The following RBM19 variants were observed in gnomAD, a reference collection of about 807,000 sequenced individuals.
The protein encoded by RBM19 is probable RNA-binding protein 19.
In RBM19, 94 loss-of-function variants were observed where a neutral mutation model predicts 116.8. That is an observed-to-expected ratio of 0.80 (90% CI 0.68 to 0.95). RBM19 has a LOEUF of 0.95. Ranked by LOEUF, RBM19 falls within the 40% of genes least tolerant of loss-of-function variation. RBM19 has a pLI of 0.00. For missense variants in RBM19, 1,161 were observed against 1,220.7 expected (o/e 0.95, Z 0.73); for synonymous variants, 475 against 494.1 (o/e 0.96, Z 0.51).
chr12:113,957,825 C>A lies in RBM19; in HGVS notation c.797G>T (p.Gly266Val), dbSNP rs1310627358. Residue 266 changes from glycine (G) to valine (V), a missense_variant, in exon 6 of 24, where the codon GGG becomes GTG. Transcript: ENST00000261741. The part of the protein sequence containing the change: ...RDSKGAGQEQ[G>V]MPAGKKRPPE... ...TGGTCTCTTTTTCCCAGCTGGCATC[C>A]CTTGCTCTTGGCCTGCACCCTTGCT... is the stretch of plus-strand genomic sequence containing the variant. 6.2e-7 allele frequency: 1 copy of A among 1,610,686 alleles called. No homozygotes were observed. The highest frequency in any genetic ancestry group is 8.5e-7 in the Non-Finnish European group (1 of 1,178,134).
At chr12:113,844,914 G>T in intron 22 of RBM19, 126 bp from the exon 23 acceptor site, 2 of 1,323,228 alleles carry the variant, frequency 1.5e-6, no homozygotes, top group South Asian at 1.6e-5. Context: ...CGTGACATCT[G>T]ATCTCCAGCG....
chr12:113,947,536 C>T (rs1342332298), intron 10 of RBM19, 72 bp from the exon 11 acceptor site: 2 of 1,504,390 alleles, frequency 1.3e-6, no homozygotes, highest in Non-Finnish European at 1.8e-6. Flanking sequence ...GTGGTGAGCA[C>T]CAGCTGTGAG....
chr12:113,878,016 T>C (rs1219456711), intron 21 of RBM19, among the ~76,000 whole-genome samples: 2 of 152,234 alleles, frequency 1.3e-5, no homozygotes, highest in African/African-American at 4.8e-5. Flanking sequence ...AGAACACGGC[T>C]ACTCTTATTC....
At chr12:113,911,422 C>T (rs1045422154) in intron 21 of RBM19, among the ~76,000 whole-genome samples, 2 of 152,140 alleles carry the variant, frequency 1.3e-5, no homozygotes, top group African/African-American at 2.4e-5. Flanking sequence ...ACCAGGAAAA[C>T]GCTGCCCAGG....
chr12:113,880,283 C>T (rs138194831), intron 21 of RBM19, among the ~76,000 whole-genome samples: 114 of 152,070 alleles, frequency 7.5e-4, no homozygotes, highest in Middle Eastern at 3.4e-3. Context: ...TCTGATACCC[C>T]CTGAAGTGAC....
chr12:113,956,783 G>A (rs1173245430), intron 6 of RBM19, among the ~76,000 whole-genome samples: 1 of 152,046 alleles, frequency 6.6e-6, no homozygotes, highest in Admixed American at 6.6e-5. Flanking sequence ...CAGACCTGGG[G>A]CTAAGTCCTG....
chr12:113,848,253 G>T (rs1877152693), intron 22 of RBM19, among the ~76,000 whole-genome samples: 1 of 152,218 alleles, frequency 6.6e-6, no homozygotes, highest in Non-Finnish European at 1.5e-5. Flanking sequence ...GGGGAGAAGG[G>T]AAGGTAAGAC....
At chr12:113,839,124 C>G (rs977688530) in intron 23 of RBM19, among the ~76,000 whole-genome samples, 21 of 152,236 alleles carry the variant, frequency 1.4e-4, no homozygotes, top group African/African-American at 5.1e-4. Context: ...GGGCCGAGGC[C>G]AGAGCCAGGG....
At chr12:113,918,566 G>C (rs954878636) in intron 19 of RBM19, 119 bp from the exon 20 acceptor site, 18 of 1,027,712 alleles carry the variant, frequency 1.8e-5, no homozygotes, top group Non-Finnish European at 2.5e-5. Flanking sequence ...TCCCCGGGGA[G>C]TGGGGCTAGC....
intron 9 of RBM19, 98 bp from the exon 10 acceptor site, chr12:113,949,134 A>T: frequency 8.7e-7 from 1 of 1,152,948 alleles, no homozygotes; most frequent in Non-Finnish European, 1.3e-6. Context: ...CCTTCCAAAA[A>T]ACACAATCAA....
intron 16 of RBM19, among the ~76,000 whole-genome samples, chr12:113,930,819 G>T (rs932768940): frequency 6.6e-6 from 1 of 152,172 alleles, no homozygotes. Flanking sequence ...GGGCATCATG[G>T]TCTTTAGAGA....
rs1449372336 is a variant in RBM19 at position 113,844,702 on chromosome 12, C to T, written c.2751G>A (p.Gln917=). 6.2e-7 allele frequency: 1 copy of T among 1,612,784 alleles called. No individual in the cohort carries two copies. The highest frequency in any genetic ancestry group is 1.3e-5 in the African/African-American group (1 of 74,934). Residue 917 remains glutamine (Q), a synonymous_variant, in exon 23 of 24, where the codon CAG becomes CAA. Coordinates refer to ENST00000261741, the MANE Select transcript of RBM19 (RefSeq NM_016196.4). ...LEWADSEVTL[Q]ALRRKTAAHF... ...GAGCGGCCGTCTTCCGCCGCAGGGCCTGCAGGGTCACCTCGGAGTCGGCCC... is the reference window on the plus strand; with the variant it reads ...GAGCGGCCGTCTTCCGCCGCAGGGCTTGCAGGGTCACCTCGGAGTCGGCCC...
At position 113,924,806 on chromosome 12, in the gene RBM19, A is replaced by C. The variant is rs1868914017; in HGVS notation, c.2245-49T>G. ...CATCAGCAGCTCTAAACCACTATGC[A>C]GGCAAGGGCACCTGTCAAACACTAT... is the stretch of plus-strand genomic sequence containing the variant. On this transcript the variant is annotated intron_variant, in intron 17 of 23. Transcript: ENST00000261741. 3 of 1,478,092 alleles carry C rather than the reference A, an allele frequency of 2.0e-6. 1 individual carries two copies. In the East Asian group the frequency reaches 6.8e-5, roughly 33 times the overall value. The allele number at this position is 1,478,092 out of a possible 1,614,324, so 91.6% of individuals were successfully genotyped here. A position where few individuals can be genotyped will look rare whatever the true frequency, so the allele number is the denominator to read the frequency against.
chr12:113,843,079 C>A (rs1043516146), intron 23 of RBM19, among the ~76,000 whole-genome samples: 1 of 152,234 alleles, frequency 6.6e-6, no homozygotes, highest in Non-Finnish European at 1.5e-5. Flanking sequence ...TGAGACGCTG[C>A]TTCTCAGAAG....
rs138359065 is a variant in RBM19, at chr12:113,906,936, C to T, written c.2558+8033G>A. 4.7e-3 allele frequency among the ~76,000 whole-genome samples: 722 copies of T among 152,112 alleles called. 4 individuals are homozygous for T. The highest frequency in any genetic ancestry group is 0.016 in the African/African-American group (673 of 41,484). On this transcript the variant is annotated intron_variant, in intron 21 of 23. Coordinates refer to ENST00000261741, the MANE Select transcript of RBM19 (RefSeq NM_016196.4). ...TCGGGAGAAGGCACAGAAGGAAGAA[C>T]GCCAGAGACGACAGAGGCAGAGACG...
intron 21 of RBM19, among the ~76,000 whole-genome samples, chr12:113,871,569 T>C (rs571434380): frequency 1.2e-4 from 19 of 152,192 alleles, no homozygotes; most frequent in African/African-American, 4.6e-4. Context: ...TAGGTGCCAG[T>C]GAAACTTTAT....
intron 21 of RBM19, among the ~76,000 whole-genome samples, chr12:113,912,518 G>A (rs755000763): frequency 1.4e-4 from 22 of 152,172 alleles, no homozygotes; most frequent in Non-Finnish European, 2.9e-4. Flanking sequence ...CCCATTCAGC[G>A]GCATGGTCCC....
Position 113,825,379 on chromosome 12 carries a change from G to A in RBM19, c.2786-2058C>T, listed in dbSNP as rs1309108819. Among the ~76,000 whole-genome samples the A allele has an allele frequency of 2.6e-5, 4 of 152,172 alleles. No individual in the cohort carries two copies. The highest frequency in any genetic ancestry group is 2.9e-5 in the Non-Finnish European group (2 of 68,022). On this transcript the variant is annotated intron_variant, in intron 23 of 23. Coordinates refer to ENST00000261741, the MANE Select transcript of RBM19 (RefSeq NM_016196.4). The surrounding 1 kb of genome is among the most constrained non-coding windows in gnomAD (Gnocchi z 5.7). The stretch of plus-strand genomic sequence containing the variant: ...GCTGGCGGCCCGGGGCTCGGACTCC[G>A]GCTTCCTCTCCTTCCTTGTGACCTC...
intron 22 of RBM19, among the ~76,000 whole-genome samples, chr12:113,847,261 ATGCAGCCAAATTAAAGAAACGCTT>A (rs1352265710): frequency 1.3e-5 from 2 of 152,162 alleles, no homozygotes; most frequent in East Asian, 3.9e-4. Context: ...AAAACTAGAC[ATGCAGCCAAATTAAAGAAACGCTT>A]TGTTCTCTTC....
Sources: gnomAD v4.1 joint callset for allele counts (sites outside exome capture counted in the v4.1 genomes callset) on GRCh38, gnomAD v4.1.1 for gene constraint, Gnocchi (gnomAD v3.1) non-coding constraint, MANE v1.5 for transcripts, NCBI Gene and HGNC (gene_info 2026-07-23, HGNC 2026-07-21) for gene names.